Variants in ATE1 observed in about 807,000 individuals in gnomAD.
ATE1 encodes arginyltransferase 1.
Under a neutral mutation model 70.5 loss-of-function variants are expected in ATE1, and 36 were observed. The observed-to-expected ratio is 0.51, with a 90% CI of 0.39 to 0.67. The LOEUF (loss-of-function observed/expected upper bound fraction) is 0.67. Among genes scored for constraint, ATE1 ranks in the 30% least tolerant of loss-of-function variants. The pLI is 0.00. For missense variants in ATE1, 593 were observed against 629.5 expected (o/e 0.94, Z 0.62); for synonymous variants, 232 against 219.3 (o/e 1.06, Z -0.51).
intron 5 of ATE1, among the ~76,000 whole-genome samples, chr10:121,906,856 C>T (rs890210592): frequency 6.6e-6 from 1 of 152,074 alleles, no homozygotes; most frequent in Admixed American, 6.6e-5. Context: ...GTCTCGGCCT[C>T]CCAAAGTGTG....
chr10:121,758,592 T>C (rs534237016), intron 11 of ATE1, among the ~76,000 whole-genome samples: 3 of 152,304 alleles, frequency 2.0e-5, no homozygotes, highest in East Asian at 3.9e-4. Flanking sequence ...AATATAACCA[T>C]ACGTTATTTT....
chr10:121,868,244 T>C (rs1445944467), intron 8 of ATE1, among the ~76,000 whole-genome samples: 1 of 152,202 alleles, frequency 6.6e-6, no homozygotes, highest in African/African-American at 2.4e-5. Context: ...ATCTTATCAA[T>C]TACCTGATAA....
At chr10:121,849,161 C>T (rs756163780) in intron 8 of ATE1, among the ~76,000 whole-genome samples, 11 of 141,420 alleles carry the variant, frequency 7.8e-5, no homozygotes, top group Non-Finnish European at 1.4e-4. Context: ...CAGTGAGCCA[C>T]GATCACCCCA....
intron 10 of ATE1, among the ~76,000 whole-genome samples, chr10:121,795,763 C>T (rs1004618901): frequency 6.6e-6 from 1 of 152,154 alleles, no homozygotes; most frequent in Non-Finnish European, 1.5e-5. Context: ...AGTTAAATGA[C>T]CAAAGTGCTT....
chr10:121,847,988 T>G (rs1948902007), intron 8 of ATE1, among the ~76,000 whole-genome samples: 1 of 151,718 alleles, frequency 6.6e-6, no homozygotes, highest in Non-Finnish European at 1.5e-5. Flanking sequence ...AAAGAATCGC[T>G]TGAACCTGGG....
intron 7 of ATE1, among the ~76,000 whole-genome samples, chr10:121,897,841 A>C (rs1950837636): frequency 6.6e-6 from 1 of 151,334 alleles, no homozygotes; most frequent in African/African-American, 2.4e-5. Context: ...AAAAAAAAAA[A>C]AGTAGATGTT....
intron 10 of ATE1, among the ~76,000 whole-genome samples, chr10:121,795,533 TTAAA>T (rs1386953174): frequency 2.0e-5 from 3 of 152,196 alleles, no homozygotes; most frequent in Non-Finnish European, 4.4e-5. Context: ...TTTTAACTCT[TTAAA>T]TACTCAGTTT....
chr10:121,911,288 A>C, intron 4 of ATE1, 137 bp from the exon 5 acceptor site: 1 of 1,103,080 alleles, frequency 9.1e-7, no homozygotes, highest in Non-Finnish European at 1.3e-6. Context: ...ATCCTCCAAA[A>C]TAAGAGAGCT....
chr10:121,892,166 C>T, intron 7 of ATE1, among the ~76,000 whole-genome samples: 1 of 152,068 alleles, frequency 6.6e-6, no homozygotes, highest in East Asian at 1.9e-4. Flanking sequence ...GTCAGCCCCA[C>T]AGATAGTGCA....
chr10:121,775,462 G>A (rs776721856), intron 11 of ATE1, among the ~76,000 whole-genome samples: 2 of 151,836 alleles, frequency 1.3e-5, no homozygotes, highest in Non-Finnish European at 2.9e-5. Flanking sequence ...GCACATCCCG[G>A]AACTTAAAGT....
chr10:121,743,317 T>C lies in ATE1; in HGVS notation c.*363A>G, dbSNP rs932447583. On this transcript the variant is annotated 3_prime_UTR_variant, in exon 12 of 12. Transcript: ENST00000224652. ...AAAATGGGCCTGAGGAAACAGTCTG[T>C]TTTAATTTCTCTAACAGAACCAAAA... The C allele has an allele frequency of 5.9e-6, 1 of 168,236 alleles. No homozygotes were observed. The highest frequency in any genetic ancestry group is 1.2e-5 in the Non-Finnish European group (1 of 80,250). 10.4% of individuals were successfully genotyped at this position (168,236 alleles called of 1,614,324 possible). A position where few individuals can be genotyped will look rare whatever the true frequency, so the allele number is the denominator to read the frequency against.
intron 11 of ATE1, among the ~76,000 whole-genome samples, chr10:121,779,635 AG>A (rs1330004632): frequency 0.054 from 95 of 1,754 alleles, no homozygotes; most frequent in Non-Finnish European, 0.18. Context: ...TGTAGAAGAA[AG>A]AAGAAAGATC....
At chr10:121,838,357 C>T (rs1948505098) in intron 9 of ATE1, among the ~76,000 whole-genome samples, 1 of 125,206 alleles carries the variant, frequency 8.0e-6, no homozygotes, top group South Asian at 3.4e-4. Context: ...CACCTGCCTC[C>T]TTCTCACCAA....
At chr10:121,883,247 T>C (rs1950279865) in intron 7 of ATE1, among the ~76,000 whole-genome samples, 1 of 152,154 alleles carries the variant, frequency 6.6e-6, no homozygotes, top group African/African-American at 2.4e-5. Flanking sequence ...TTAATGACTA[T>C]CTCTGACCAT....
At chr10:121,891,795 T>C (rs1463376436) in intron 7 of ATE1, among the ~76,000 whole-genome samples, 3 of 152,218 alleles carry the variant, frequency 2.0e-5, no homozygotes, top group African/African-American at 7.2e-5. Context: ...AATAGGCATA[T>C]TAACTGTTTT....
chr10:121,814,154 A>G (rs2133505548), intron 10 of ATE1, among the ~76,000 whole-genome samples: 1 of 152,334 alleles, frequency 6.6e-6, no homozygotes, highest in Non-Finnish European at 1.5e-5. Flanking sequence ...TATATACACA[A>G]ATGCACACCT....
At chr10:121,793,320 A>G (rs1946528379) in intron 10 of ATE1, among the ~76,000 whole-genome samples, 1 of 152,222 alleles carries the variant, frequency 6.6e-6, no homozygotes, top group African/African-American at 2.4e-5. Context: ...GTTGGTTTAA[A>G]ATGGTGAAAC....
intron 11 of ATE1, among the ~76,000 whole-genome samples, chr10:121,765,246 A>G (rs1945228032): frequency 6.6e-6 from 1 of 152,216 alleles, no homozygotes; most frequent in Admixed American, 6.5e-5. Flanking sequence ...CCCCTCCATG[A>G]GAAGTCACCT....
intron 11 of ATE1, among the ~76,000 whole-genome samples, chr10:121,788,302 C>T (rs572975091): frequency 1.3e-5 from 2 of 152,298 alleles, no homozygotes; most frequent in East Asian, 3.9e-4. Context: ...CGATCAGACG[C>T]TGGCTAATAA....
Sources: allele counts gnomAD v4.1 joint callset (sites outside exome capture counted in the v4.1 genomes callset), GRCh38; gene constraint gnomAD v4.1.1; transcripts MANE v1.5; gene names NCBI Gene and HGNC (gene_info 2026-07-23, HGNC 2026-07-21).